Variants in NELL1 observed in about 807,000 individuals in gnomAD.
NELL1 encodes the protein neural EGFL like 1, also known as protein kinase C-binding protein NELL1.
NELL1 carries 76 observed loss-of-function variants against 107.4 expected under a neutral mutation model. The observed-to-expected ratio is 0.71, with a 90% confidence interval of 0.59 to 0.86. The LOEUF is 0.86. Ranked by LOEUF, NELL1 falls within the 40% of genes least tolerant of loss-of-function variation. The pLI is 0.00. For synonymous variants in NELL1, 353 were observed against 341.2 expected, an observed-to-expected ratio of 1.03 and a Z score of -0.38; for missense variants, 1,024 against 1,005.5, an observed-to-expected ratio of 1.02 and a Z score of -0.25.
chr11:21,453,930 T>C (rs1345174841), intron 15 of NELL1, among the ~76,000 whole-genome samples: 2 of 121,992 alleles, frequency 1.6e-5, no homozygotes, highest in South Asian at 5.3e-4. Flanking sequence ...TTTTTTTTAT[T>C]ATTATACTTT....
chr11:21,288,816 T>C (rs1024215696), intron 14 of NELL1, among the ~76,000 whole-genome samples: 2 of 152,180 alleles, frequency 1.3e-5, no homozygotes, highest in East Asian at 3.9e-4. Context: ...AGCTCCAGAA[T>C]CACCTCATTC....
At chr11:20,907,054 C>G (rs1850014964) in intron 5 of NELL1, among the ~76,000 whole-genome samples, 2 of 151,950 alleles carry the variant, frequency 1.3e-5, no homozygotes, top group Non-Finnish European at 2.9e-5. Context: ...TCTCTACTCA[C>G]AGATGCCATG....
rs188082939 is a variant in NELL1, at chr11:21,015,261, A to T, written c.1300+54701A>T. On this transcript the variant is annotated intron_variant, in intron 12 of 19. Coordinates refer to ENST00000357134, the MANE Select transcript of NELL1 (RefSeq NM_006157.5). ...AGAATGAACAAGCCGCTAGAGAACCAAGTGTGAATGAAGCAAGGTTGTCAA... is the reference window on the plus strand; with the variant it reads ...AGAATGAACAAGCCGCTAGAGAACCTAGTGTGAATGAAGCAAGGTTGTCAA... Among the ~76,000 whole-genome samples the T allele has an allele frequency of 8.0e-3, 1,223 of 152,226 alleles. 22 individuals are homozygous for T. The highest frequency in any genetic ancestry group is 0.028 in the African/African-American group (1,153 of 41,566).
intron 13 of NELL1, among the ~76,000 whole-genome samples, chr11:21,183,819 A>G (rs2133827036): frequency 6.6e-6 from 1 of 151,978 alleles, no homozygotes; most frequent in South Asian, 2.1e-4. Flanking sequence ...GTTGAGTTGA[A>G]CAGGGTTAGA....
intron 14 of NELL1, among the ~76,000 whole-genome samples, chr11:21,339,807 G>A (rs1850520690): frequency 6.6e-6 from 1 of 152,154 alleles, no homozygotes; most frequent in Non-Finnish European, 1.5e-5. Context: ...GCTAGCTCTG[G>A]CAGAAGCTGC....
intron 13 of NELL1, among the ~76,000 whole-genome samples, chr11:21,198,113 T>A (rs960407738): frequency 7.2e-5 from 11 of 152,182 alleles, no homozygotes; most frequent in African/African-American, 2.4e-4. Context: ...TCCACATATG[T>A]CAGGCTCCTG....
At chr11:21,428,636 T>C (rs1040222172) in intron 15 of NELL1, among the ~76,000 whole-genome samples, 1 of 152,206 alleles carries the variant, frequency 6.6e-6, no homozygotes. Flanking sequence ...TGACTTAGAA[T>C]TTGTTTGTTT....
rs1270859097 is a variant in NELL1 at position 21,232,159 on chromosome 11, A to ATATATATATAT, written c.1549+2705_1549+2706insTATATATATAT. Reference sequence around the variant, plus strand: ...TACTAAAAAAAAATAAAAAAAAAAAAATATATATATATATATATAAATTAG... The same window carrying ATATATATATAT: ...TACTAAAAAAAAATAAAAAAAAAAAATATATATATATATATATATATATATATATAAATTAG... On this transcript the variant is annotated intron_variant, in intron 14 of 19. Coordinates refer to ENST00000357134, the MANE Select transcript of NELL1 (RefSeq NM_006157.5). Among the ~76,000 whole-genome samples the ATATATATATAT allele has an allele frequency of 8.7e-3, 636 of 72,790 alleles. 2 individuals are homozygous for ATATATATATAT. The highest frequency in any genetic ancestry group is 0.014 in the East Asian group (34 of 2,454). 47.8% of individuals were successfully genotyped at this position (72,790 alleles called of 152,430 possible). A position where few individuals can be genotyped will look rare whatever the true frequency, so the allele number is the denominator to read the frequency against.
At chr11:20,804,042 G>C (rs1396894389) in intron 3 of NELL1, among the ~76,000 whole-genome samples, 1 of 127,794 alleles carries the variant, frequency 7.8e-6, no homozygotes, top group Non-Finnish European at 1.6e-5. Context: ...CCTGATGATT[G>C]TGTGAGTTAA....
intron 14 of NELL1, among the ~76,000 whole-genome samples, chr11:21,246,558 G>A (rs1361735117): frequency 3.3e-5 from 5 of 152,074 alleles, no homozygotes. Context: ...AACCTAGATG[G>A]TATAGCTTAC....
chr11:20,684,865 T>A (rs1854271143), intron 2 of NELL1, among the ~76,000 whole-genome samples: 1 of 152,100 alleles, frequency 6.6e-6, no homozygotes, highest in Non-Finnish European at 1.5e-5. Flanking sequence ...CAGTGACTGA[T>A]AAGTCATGGG....
At chr11:21,355,968 T>C (rs912442599) in intron 14 of NELL1, among the ~76,000 whole-genome samples, 3 of 152,128 alleles carry the variant, frequency 2.0e-5, no homozygotes, top group Admixed American at 6.6e-5. Flanking sequence ...CTTTGCTTGA[T>C]AATTTCATGG....
intron 15 of NELL1, among the ~76,000 whole-genome samples, chr11:21,390,367 G>GATAATA (rs35024726): frequency 1.8e-4 from 27 of 147,690 alleles, no homozygotes; most frequent in Middle Eastern, 3.6e-3. Context: ...TAATAACAAT[G>GATAATA]ATAATAATAA....
chr11:21,338,175 G>C, intron 14 of NELL1, among the ~76,000 whole-genome samples: 1 of 152,054 alleles, frequency 6.6e-6, no homozygotes, highest in Admixed American at 6.6e-5. Context: ...ATAAAATGCC[G>C]GTGTCATGCA....
At chr11:20,782,040 CAAA>C (rs34426520) in intron 2 of NELL1, among the ~76,000 whole-genome samples, 38 of 135,406 alleles carry the variant, frequency 2.8e-4, no homozygotes, top group South Asian at 1.2e-3. Flanking sequence ...ACCCTCATCT[CAAA>C]AAAAAAAAAA....
At chr11:21,370,150 G>A (rs1461217605) in intron 14 of NELL1, among the ~76,000 whole-genome samples, 1 of 152,004 alleles carries the variant, frequency 6.6e-6, no homozygotes, top group Non-Finnish European at 1.5e-5. Flanking sequence ...CCTGGTCTGG[G>A]AAGGCTGACA....
chr11:20,793,494 A>G (rs1210779806), intron 3 of NELL1, among the ~76,000 whole-genome samples: 2 of 152,038 alleles, frequency 1.3e-5, no homozygotes, highest in Non-Finnish European at 1.5e-5. Flanking sequence ...TTTCAAATTC[A>G]TTGATTCCTA....
intron 4 of NELL1, among the ~76,000 whole-genome samples, chr11:20,857,790 G>A (rs1006189795): frequency 1.3e-5 from 2 of 152,302 alleles, no homozygotes; most frequent in South Asian, 2.1e-4. Context: ...CAAGCCCTAC[G>A]GGTAGTTAGC....
At chr11:21,205,642 T>A (rs1370784853) in intron 13 of NELL1, among the ~76,000 whole-genome samples, 1 of 152,160 alleles carries the variant, frequency 6.6e-6, no homozygotes, top group Non-Finnish European at 1.5e-5. Context: ...TTGCCGGTGT[T>A]CCAGGTGCCA....
Sources: gnomAD v4.1 joint callset for allele counts (sites outside exome capture counted in the v4.1 genomes callset) on GRCh38, gnomAD v4.1.1 for gene constraint, MANE v1.5 for transcripts, NCBI Gene and HGNC (gene_info 2026-07-23, HGNC 2026-07-21) for gene names.